TNR: variants seen among roughly 807,000 people sequenced by gnomAD.
TNR encodes tenascin R.
TNR carries 45 observed loss-of-function variants against 150.4 expected under a neutral mutation model. The ratio of observed to expected loss-of-function variants is 0.30; its 90% CI spans 0.24 to 0.38. The LOEUF (loss-of-function observed/expected upper bound fraction) is 0.38, where lower values mean the gene tolerates loss of function less well. TNR is among the 10% of genes least tolerant of loss of function. The probability of loss-of-function intolerance (pLI) is 1.00; values close to 1 mark genes in which losing one functional copy is unlikely to be tolerated. For synonymous variants in TNR, 687 were observed against 678.4 expected (o/e 1.01, Z -0.20); for missense variants, 1,544 against 1,759.1 (o/e 0.88, Z 2.19).
At chr1:175,612,724 A>C (rs1205298548) in intron 1 of TNR, among the ~76,000 whole-genome samples, 5 of 152,222 alleles carry the variant, frequency 3.3e-5, no homozygotes, top group Non-Finnish European at 7.3e-5. Flanking sequence ...CAAACCACTT[A>C]TGAGATGAGA....
chr1:175,646,713 C>T (rs1427593092), intron 1 of TNR, among the ~76,000 whole-genome samples: 1 of 152,222 alleles, frequency 6.6e-6, no homozygotes, highest in African/African-American at 2.4e-5. Context: ...TACCTTACGG[C>T]AGCAATCAGT....
chr1:175,713,684 C>T (rs1667081441), intron 1 of TNR, among the ~76,000 whole-genome samples: 1 of 152,182 alleles, frequency 6.6e-6, no homozygotes, highest in Non-Finnish European at 1.5e-5. Flanking sequence ...GCAGTGAAAA[C>T]AGGCAGGCAA....
intron 1 of TNR, among the ~76,000 whole-genome samples, chr1:175,663,413 G>T (rs917871859): frequency 6.6e-6 from 1 of 152,212 alleles, no homozygotes; most frequent in East Asian, 1.9e-4. Flanking sequence ...GCAGAGGACT[G>T]CCCTGGATGG....
rs1219168923 is a variant in TNR at position 175,406,735 on chromosome 1, G to A, written c.-21C>T. ...CCCATCCTCTCAGCCAGAGATCTGG[G>A]TTCAGGACCAGCCTGCAGCACACAG... is the stretch of plus-strand genomic sequence containing the variant. On this transcript the variant is annotated 5_prime_UTR_variant, in exon 3 of 23. Coordinates refer to ENST00000367674, the MANE Select transcript of TNR (RefSeq NM_003285.3). The A allele has an allele frequency of 5.6e-6, 9 of 1,609,390 alleles. No individual in the cohort carries two copies. Among genetic ancestry groups the A allele is most frequent in the Non-Finnish European group, 2.5e-6 (3 of 1,177,732 alleles).
At chr1:175,447,002 T>C (rs1656083999) in intron 2 of TNR, among the ~76,000 whole-genome samples, 1 of 152,218 alleles carries the variant, frequency 6.6e-6, no homozygotes, top group South Asian at 2.1e-4. Context: ...ATATGTGTTA[T>C]GTTTACATAT....
At chr1:175,453,621 C>T (rs908410777) in intron 2 of TNR, among the ~76,000 whole-genome samples, 5 of 152,152 alleles carry the variant, frequency 3.3e-5, no homozygotes, top group South Asian at 2.1e-4. Context: ...AGTGCTGTGG[C>T]GTGATTATAG....
chr1:175,586,785 C>T (rs1662592961), intron 1 of TNR, among the ~76,000 whole-genome samples: 2 of 152,158 alleles, frequency 1.3e-5, no homozygotes, highest in South Asian at 4.1e-4. Context: ...CTGAGACTCA[C>T]CTGACTGGGA....
intron 6 of TNR, among the ~76,000 whole-genome samples, chr1:175,393,091 G>A (rs938943295): frequency 3.3e-5 from 5 of 152,194 alleles, no homozygotes; most frequent in African/African-American, 1.2e-4. Context: ...GAGGACATTG[G>A]TAGGGTCAAC....
At chr1:175,697,052 A>AG (rs1457945186) in intron 1 of TNR, among the ~76,000 whole-genome samples, 1 of 152,082 alleles carries the variant, frequency 6.6e-6, no homozygotes, top group Non-Finnish European at 1.5e-5. Flanking sequence ...AAGAAAAAAA[A>AG]AAACCAGAAA....
intron 14 of TNR, among the ~76,000 whole-genome samples, chr1:175,360,395 A>C (rs562942598): frequency 6.6e-6 from 1 of 152,330 alleles, no homozygotes; most frequent in South Asian, 2.1e-4. Context: ...ATTAAGAGTC[A>C]AGAGGATTCT....
chr1:175,631,710 G>A (rs1664333422), intron 1 of TNR, among the ~76,000 whole-genome samples: 1 of 152,158 alleles, frequency 6.6e-6, no homozygotes, highest in South Asian at 2.1e-4. Context: ...GTGTGAGGGT[G>A]TGTGTGTTTG....
chr1:175,380,109 C>A (rs1571361728), intron 8 of TNR, among the ~76,000 whole-genome samples: 2 of 152,310 alleles, frequency 1.3e-5, no homozygotes, highest in South Asian at 4.1e-4. Context: ...TGGAATAGAA[C>A]AATATCAAAT....
In TNR at chr1:175,689,356, T is replaced by TGG; in HGVS notation, c.-165+53869_-165+53870insCC. Among the ~76,000 whole-genome samples the TGG allele has an allele frequency of 1.3e-5, 2 of 151,338 alleles. 1 individual carries two copies. Among genetic ancestry groups the TGG allele is most frequent in the Middle Eastern group, 6.8e-3 (2 of 292 alleles). On this transcript the variant is annotated intron_variant, in intron 1 of 22. Coordinates refer to ENST00000367674, the MANE Select transcript of TNR (RefSeq NM_003285.3). ...ATACCAGGTAGCATGACCGAATACCTTAATCTACCCCAGGTTTTTTTCCCC... is the reference window on the plus strand; with the variant it reads ...ATACCAGGTAGCATGACCGAATACCTGGTAATCTACCCCAGGTTTTTTTCCCC...
chr1:175,671,911 C>CTGTGTGTATGTGTGTGTGTG lies in TNR; in HGVS notation c.-165+71314_-165+71315insCACACACACACATACACACA, dbSNP rs376597060. On this transcript the variant is annotated intron_variant, in intron 1 of 22. Transcript: ENST00000367674. ...TCCAAGGGAGTCTTATGAGCTGTAC[C>CTGTGTGTATGTGTGTGTGTG]TGTGTGTGTGTGTGTGTGTGTGTGT... Among the ~76,000 whole-genome samples the CTGTGTGTATGTGTGTGTGTG allele has an allele frequency of 1.2e-3, 176 of 142,138 alleles. 3 individuals are homozygous for CTGTGTGTATGTGTGTGTGTG. The highest frequency in any genetic ancestry group is 3.4e-3 in the Middle Eastern group (1 of 292). 93.2% of individuals were successfully genotyped at this position (142,138 alleles called of 152,430 possible).
intron 1 of TNR, among the ~76,000 whole-genome samples, chr1:175,555,066 T>A (rs1374446418): frequency 3.3e-5 from 5 of 152,148 alleles, no homozygotes; most frequent in African/African-American, 1.2e-4. Context: ...CCAGTATGGA[T>A]TAAGCATAGT....
chr1:175,693,547 C>T (rs1421018923), intron 1 of TNR, among the ~76,000 whole-genome samples: 1 of 152,178 alleles, frequency 6.6e-6, no homozygotes, highest in Non-Finnish European at 1.5e-5. Flanking sequence ...CTTAGGTTTC[C>T]CAGGAGCCCA....
intron 1 of TNR, among the ~76,000 whole-genome samples, chr1:175,733,236 A>G (rs76720654): frequency 0.053 from 8,142 of 152,298 alleles, 314 homozygotes; most frequent in East Asian, 0.23. Flanking sequence ...CCCTTCCCAG[A>G]TTTCCCACTG....
At chr1:175,664,041 C>T (rs1558061727) in intron 1 of TNR, among the ~76,000 whole-genome samples, 18 of 152,194 alleles carry the variant, frequency 1.2e-4, no homozygotes. Flanking sequence ...AGAGTCTGGA[C>T]CTCACTGCAG....
At chr1:175,712,673 C>G (rs1156624622) in intron 1 of TNR, among the ~76,000 whole-genome samples, 2 of 152,042 alleles carry the variant, frequency 1.3e-5, no homozygotes, top group Non-Finnish European at 2.9e-5. Flanking sequence ...GGTGAGTTCT[C>G]AGTCTGAGTT....
Sources: allele counts gnomAD v4.1 joint callset (sites outside exome capture counted in the v4.1 genomes callset), GRCh38; gene constraint gnomAD v4.1.1; transcripts MANE v1.5; gene names NCBI Gene and HGNC (gene_info 2026-07-23, HGNC 2026-07-21).